Variants in ZNF414 observed in about 807,000 individuals in gnomAD.
ZNF414 encodes the protein zinc finger protein 414.
A neutral mutation model predicts 38.3 loss-of-function variants in ZNF414; 32 were observed. The observed-to-expected ratio is 0.83, with a 90% CI of 0.63 to 1.12. The LOEUF (loss-of-function observed/expected upper bound fraction) is 1.12, where lower values mean the gene tolerates loss of function less well. Among genes scored for constraint, ZNF414 ranks in the 50% most tolerant of loss-of-function variants. ZNF414 has a pLI of 0.00. For synonymous variants in ZNF414, 256 were observed against 248.0 expected, an observed-to-expected ratio of 1.03 and a Z score of -0.30; for missense variants, 589 against 557.4, an observed-to-expected ratio of 1.06 and a Z score of -0.57.
In ZNF414 at chr19:8,511,032, C is replaced by T; in HGVS notation, c.926-8G>A. ...GGCTCGGGGCCGCGTGCCCTGCGGG[C>T]AGGCGGGACCCCGTCAGTCCCGGGC... On this transcript the variant is annotated splice_region_variant and splice_polypyrimidine_tract_variant and intron_variant, in intron 6 of 7. Coordinates refer to ENST00000393927, the MANE Select transcript of ZNF414 (RefSeq NM_001146175.2). 7.8e-7 allele frequency: 1 copy of T among 1,276,574 alleles called. No homozygotes were observed. The highest frequency in any genetic ancestry group is 9.9e-7 in the Non-Finnish European group (1 of 1,011,722). The allele number at this position is 1,276,574 out of a possible 1,614,324, so 79.1% of individuals were successfully genotyped here. A position where few individuals can be genotyped will look rare whatever the true frequency, so the allele number is the denominator to read the frequency against.
intron 1 of ZNF414, among the ~76,000 whole-genome samples, chr19:8,513,810 T>C (rs1007843250): frequency 6.6e-6 from 1 of 152,012 alleles, no homozygotes; most frequent in African/African-American, 2.4e-5. Flanking sequence ...GTGTGGACAA[T>C]CTTGGAGGTG....
In ZNF414 at chr19:8,509,818, T is replaced by G. The variant is rs539558265; in HGVS notation, c.*873A>C. On this transcript the variant is annotated 3_prime_UTR_variant, in exon 8 of 8. Transcript: ENST00000393927. ...CTCCTGCCTCAGCCTCCCAAGTAGCTGGGACTACAGGTGTGCGCCACCACA... is the reference window on the plus strand; with the variant it reads ...CTCCTGCCTCAGCCTCCCAAGTAGCGGGGACTACAGGTGTGCGCCACCACA... The G allele has an allele frequency of 6.6e-6, 1 of 152,312 alleles. No individual in the cohort carries two copies. The highest frequency in any genetic ancestry group is 2.4e-5 in the African/African-American group (1 of 41,574). 9.4% of individuals were successfully genotyped at this position (152,312 alleles called of 1,614,324 possible). A position where few individuals can be genotyped will look rare whatever the true frequency, so the allele number is the denominator to read the frequency against.
rs1407904059 is a variant in ZNF414 at position 8,510,353 on chromosome 19, T to A, written c.*338A>T. On this transcript the variant is annotated 3_prime_UTR_variant, in exon 8 of 8. Transcript: ENST00000393927. Reference sequence around the variant, plus strand: ...ACTGGAGAGTCCCCATCCCATTTGGTTTCTGGACAAGGGAGAACGCTGCCA... The same window carrying A: ...ACTGGAGAGTCCCCATCCCATTTGGATTCTGGACAAGGGAGAACGCTGCCA... The A allele has an allele frequency of 4.3e-6, 1 of 231,746 alleles. No homozygotes were observed. The highest frequency in any genetic ancestry group is 2.4e-5 in the African/African-American group (1 of 41,886). The allele number at this position is 231,746 out of a possible 1,614,324, so 14.4% of individuals were successfully genotyped here.
Position 8,511,551 on chromosome 19 carries a change from C to A in ZNF414, c.875-15G>T, listed in dbSNP as rs375533030. 6.9e-6 allele frequency: 11 copies of A among 1,589,256 alleles called. No homozygotes were observed. Among genetic ancestry groups the A allele is most frequent in the Non-Finnish European group, 9.4e-6 (11 of 1,167,998 alleles). ...GCTGCCAGCACCTGCGGTAAAGGGG[C>A]GGGTCAAGTTCAGAGTCAGGGCGAG... On this transcript the variant is annotated splice_polypyrimidine_tract_variant and intron_variant, in intron 5 of 7. Transcript: ENST00000393927.
rs1483726760 is a variant in ZNF414, at chr19:8,511,172, T to C, written c.926-148A>G. On this transcript the variant is annotated intron_variant, in intron 6 of 7. Transcript: ENST00000393927. ...CGCCTAGTTCAGTTTCTCCCGGGTC[T>C]GTCTGCCCCTAGAGTTGGGGGCACC... 2.0e-4 allele frequency: 259 copies of C among 1,302,020 alleles called. 1 individual carries two copies. Among genetic ancestry groups the C allele is most frequent in the Non-Finnish European group, 2.5e-4 (253 of 1,027,596 alleles). 80.7% of individuals were successfully genotyped at this position (1,302,020 alleles called of 1,614,324 possible). A position where few individuals can be genotyped will look rare whatever the true frequency, so the allele number is the denominator to read the frequency against.
chr19:8,514,007 A>G, intron 1 of ZNF414, 37 bp downstream of exon 1: 1 of 1,439,096 alleles, frequency 6.9e-7, no homozygotes, highest in Non-Finnish European at 9.1e-7. Flanking sequence ...CAGTCCCCGC[A>G]GCTCCGCCGC....
rs1200184003 is a variant in ZNF414, at chr19:8,510,294, G to GAAAAAAAAAA, written c.*387_*396dup. On this transcript the variant is annotated 3_prime_UTR_variant, in exon 8 of 8. Coordinates refer to ENST00000393927, the MANE Select transcript of ZNF414 (RefSeq NM_001146175.2). ...GACAGAGCAAGACTGTCTCAAAAAA[G>GAAAAAAAAAA]AAAAAAAAAAAAAGAAAAAAAAAAA... 1 of 25,556 alleles carries GAAAAAAAAAA rather than the reference G, an allele frequency of 3.9e-5. No homozygotes were observed. Among genetic ancestry groups the GAAAAAAAAAA allele is most frequent in the African/African-American group, 1.1e-4 (1 of 9,412 alleles). The allele number at this position is 25,556 out of a possible 1,614,324, so 1.6% of individuals were successfully genotyped here. A position where few individuals can be genotyped will look rare whatever the true frequency, so the allele number is the denominator to read the frequency against.
Position 8,511,774 on chromosome 19 carries a change from C to T in ZNF414, c.717G>A (p.Leu239=). The change falls in exon 5 of 8, where the codon CTG becomes CTA. Residue 239 remains leucine (L), a synonymous_variant. Transcript: ENST00000393927. ...CAGGGGCGGGGGTCGTGAAGGGTTCCAGCAGCGGGAACGGCAGGCCCGGCG... is the reference window on the plus strand; with the variant it reads ...CAGGGGCGGGGGTCGTGAAGGGTTCTAGCAGCGGGAACGGCAGGCCCGGCG... ...ASAPGLPFPL[L]EPFTTPAPAP... The T allele has an allele frequency of 7.0e-7, 1 of 1,426,706 alleles. No individual in the cohort carries two copies. The highest frequency in any genetic ancestry group is 9.1e-7 in the Non-Finnish European group (1 of 1,098,656). The allele number at this position is 1,426,706 out of a possible 1,614,324, so 88.4% of individuals were successfully genotyped here.
At position 8,513,076 on chromosome 19, in the gene ZNF414, G is replaced by T; in HGVS notation, c.269C>A (p.Ser90Tyr). ...AGGCCGCAGGTCCTCGCTGGTCCCG[G>T]AGACTATGCTGGTCAGGCCAGGGCT... ...GPSPGLTSIV[S>Y]GTSEDLRPPR... The change falls in exon 2 of 8, where the codon TCC becomes TAC. Residue 90 changes from serine to tyrosine, a missense_variant. By Grantham distance (144) the Ser-to-Tyr change is moderately radical. Transcript: ENST00000393927. 1 of 1,503,558 alleles carries T rather than the reference G, an allele frequency of 6.7e-7. No homozygotes were observed. The allele number at this position is 1,503,558 out of a possible 1,614,324, so 93.1% of individuals were successfully genotyped here. A position where few individuals can be genotyped will look rare whatever the true frequency, so the allele number is the denominator to read the frequency against.
rs1224119338 is a variant in ZNF414, at chr19:8,514,145, C to T, written c.-99G>A. 2 of 1,339,852 alleles carry T rather than the reference C, an allele frequency of 1.5e-6. No individual in the cohort carries two copies. The highest frequency in any genetic ancestry group is 9.6e-7 in the Non-Finnish European group (1 of 1,036,814). The allele number at this position is 1,339,852 out of a possible 1,614,324, so 83.0% of individuals were successfully genotyped here. On this transcript the variant is annotated 5_prime_UTR_variant, in exon 1 of 8. Transcript: ENST00000393927. ...GTGCGAGTTCGCGCTCACGTCAGCG[C>T]CATTTTCCACCTCTCAGCTCTCGCG...
In ZNF414 at chr19:8,510,636, C is replaced by T. The variant is rs1971899552; in HGVS notation, c.*55G>A. ...CCCCAGCCCCCCTTCCCTGCAGCCC[C>T]CTCCAAATGACAAAACTACCCACAT... On this transcript the variant is annotated 3_prime_UTR_variant, in exon 8 of 8. Transcript: ENST00000393927. 6.6e-7 allele frequency: 1 copy of T among 1,506,566 alleles called. No homozygotes were observed. Among genetic ancestry groups the T allele is most frequent in the South Asian group, 1.2e-5 (1 of 81,446 alleles). The allele number at this position is 1,506,566 out of a possible 1,614,324, so 93.3% of individuals were successfully genotyped here. A position where few individuals can be genotyped will look rare whatever the true frequency, so the allele number is the denominator to read the frequency against.
intron 6 of ZNF414, 120 bp from the exon 7 acceptor site, chr19:8,511,144 G>C: frequency 2.1e-5 from 27 of 1,275,190 alleles, no homozygotes; most frequent in Non-Finnish European, 2.5e-5. Flanking sequence ...ATCAGCTTCC[G>C]GGCGCCTAGT....
chr19:8,511,112 G>A, intron 6 of ZNF414, 88 bp from the exon 7 acceptor site: 1 of 1,281,766 alleles, frequency 7.8e-7, no homozygotes. Context: ...GCGAGGGTGG[G>A]TGGGACTTTT....
intron 1 of ZNF414, 136 bp downstream of exon 1, chr19:8,513,908 T>C (rs1016978965): frequency 1.8e-6 from 2 of 1,118,844 alleles, no homozygotes; most frequent in Admixed American, 4.2e-5. Context: ...AGTAGGGCGC[T>C]CTCCGAGTGA....
At chr19:8,512,184 A>C in intron 4 of ZNF414, 1 of 1,428,976 alleles carries the variant, frequency 7.0e-7, no homozygotes, top group Non-Finnish European at 9.1e-7. Context: ...CCGGTTTTCC[A>C]CTTGGGAGGT....
Position 8,511,783 on chromosome 19 carries a change from G to T in ZNF414, c.708C>A (p.Phe236Leu), listed in dbSNP as rs755301704. 7.0e-7 allele frequency: 1 copy of T among 1,422,012 alleles called. No individual in the cohort carries two copies. The highest frequency in any genetic ancestry group is 3.1e-5 in the Admixed American group (1 of 32,290). 88.1% of individuals were successfully genotyped at this position (1,422,012 alleles called of 1,614,324 possible). A position where few individuals can be genotyped will look rare whatever the true frequency, so the allele number is the denominator to read the frequency against. Reference protein sequence around the residue: ...VDPASAPGLPFPLLEPFTTPA... With the variant: ...VDPASAPGLPLPLLEPFTTPA... The stretch of plus-strand genomic sequence containing the variant: ...GGGTCGTGAAGGGTTCCAGCAGCGG[G>T]AACGGCAGGCCCGGCGCTGATGCGG... Residue 236 changes from phenylalanine (F) to leucine (L), a missense_variant, in exon 5 of 8, where the codon TTC becomes TTA. Phe to Leu is a conservative substitution (Grantham distance 22). Coordinates refer to ENST00000393927, the MANE Select transcript of ZNF414 (RefSeq NM_001146175.2).
In ZNF414 at chr19:8,510,736, C is replaced by T. The variant is rs2145805676; in HGVS notation, c.1128G>A (p.Ser376=). The change falls in exon 8 of 8, where the codon TCG becomes TCA. Residue 376 remains serine, a synonymous_variant. Transcript: ENST00000393927. ...GAAGCTCCCCCTCTGACAGCAGCGG[C>T]GACACCTTGGGTGCAAGCGGGGCCG... ...ADPAPLAPKV[S]PLLSEGELPV... is the part of the protein sequence containing the mutation. The T allele has an allele frequency of 6.5e-7, 1 of 1,549,706 alleles. No homozygotes were observed. Among genetic ancestry groups the T allele is most frequent in the Non-Finnish European group, 8.7e-7 (1 of 1,145,888 alleles).
Position 8,512,678 on chromosome 19 carries a change from C to T in ZNF414, c.350G>A (p.Cys117Tyr), listed in dbSNP as rs967507983. ...GTCACGGACGCTGGGAAAACTGAGG[C>T]AGCAGCCAGGGCTGGAGCAAGGGAT... ...KQIPCSSPGC[C>Y]LSFPSVRDLA... The change falls in exon 3 of 8, where the codon TGC (cysteine) becomes TAC (tyrosine). Residue 117 changes from cysteine (C) to tyrosine (Y), a missense_variant. Coordinates refer to ENST00000393927, the MANE Select transcript of ZNF414 (RefSeq NM_001146175.2). 4 of 1,575,660 alleles carry T rather than the reference C, an allele frequency of 2.5e-6. No individual in the cohort carries two copies. The highest frequency in any genetic ancestry group is 3.7e-5 in the Admixed American group (2 of 53,346).
chr19:8,511,919 A>C lies in ZNF414; in HGVS notation c.572T>G (p.Leu191Arg). The change falls in exon 5 of 8, where the codon CTC becomes CGC. Residue 191 changes from leucine (L) to arginine (R), a missense_variant. Transcript: ENST00000393927. ...CGCGCAAACATGCAGGTGCTTGAAG[A>C]GCGAGCGGTGCGTGCGGAAGCGCAG... ...CLLRFRTHRS[L>R]FKHLHVCAEH... 1 of 1,415,004 alleles carries C rather than the reference A, an allele frequency of 7.1e-7. No individual in the cohort carries two copies. The allele number at this position is 1,415,004 out of a possible 1,614,324, so 87.7% of individuals were successfully genotyped here. A position where few individuals can be genotyped will look rare whatever the true frequency, so the allele number is the denominator to read the frequency against.
Sources: gnomAD v4.1 joint callset for allele counts (sites outside exome capture counted in the v4.1 genomes callset) on GRCh38, gnomAD v4.1.1 for gene constraint, MANE v1.5 for transcripts, NCBI Gene and HGNC (gene_info 2026-07-23, HGNC 2026-07-21) for gene names.